Variants in KDELR3 observed in about 807,000 individuals in gnomAD.
KDELR3 encodes the protein ER lumen protein-retaining receptor 3.
In KDELR3, 26 loss-of-function variants were observed where a neutral mutation model predicts 22.7. That is an observed-to-expected ratio of 1.15 (90% CI 0.84 to 1.59). KDELR3 has a LOEUF of 1.59. KDELR3 is among the 40% of genes most tolerant of loss of function. The probability of loss-of-function intolerance (pLI) is 0.00; values close to 1 mark genes in which losing one functional copy is unlikely to be tolerated. For missense variants in KDELR3, 289 were observed against 251.1 expected (o/e 1.15, Z -1.02); for synonymous variants, 120 against 98.2 (o/e 1.22, Z -1.31).
At chr22:38,478,839 C>T (rs1336457431) in intron 2 of KDELR3, among the ~76,000 whole-genome samples, 1 of 151,438 alleles carries the variant, frequency 6.6e-6, no homozygotes, top group Non-Finnish European at 1.5e-5. Flanking sequence ...AACAGGGTTT[C>T]ACCATGTTGG....
rs752581151 is a variant in KDELR3, at chr22:38,482,827, A to G, written c.*291A>G. On this transcript the variant is annotated 3_prime_UTR_variant, in exon 5 of 5. Transcript: ENST00000216014. ...ACCGACGAAATAAAAAACATAAATG[A>G]TTGTTCTCCAAGGCCTGAGGGCAAG... 1.7e-4 allele frequency: 69 copies of G among 405,872 alleles called. No individual in the cohort carries two copies. The highest frequency in any genetic ancestry group is 2.8e-4 in the Non-Finnish European group (63 of 226,664). 25.1% of individuals were successfully genotyped at this position (405,872 alleles called of 1,614,324 possible). A position where few individuals can be genotyped will look rare whatever the true frequency, so the allele number is the denominator to read the frequency against.
In KDELR3 at chr22:38,483,306, T is replaced by A. The variant is rs1395559058; in HGVS notation, c.*770T>A. On this transcript the variant is annotated 3_prime_UTR_variant, in exon 5 of 5. Transcript: ENST00000216014. ...TTTCAATTCCAATTCTTGTATTAAG[T>A]TTTTTCCTTTCAGTTTTAGGTGCGA... is the stretch of plus-strand genomic sequence containing the variant. 1 of 152,146 alleles carries A rather than the reference T, an allele frequency of 6.6e-6. No homozygotes were observed. The highest frequency in any genetic ancestry group is 2.4e-5 in the African/African-American group (1 of 41,422). The allele number at this position is 152,146 out of a possible 1,614,324, so 9.4% of individuals were successfully genotyped here.
intron 2 of KDELR3, among the ~76,000 whole-genome samples, chr22:38,479,356 C>T (rs1482894403): frequency 6.6e-6 from 1 of 152,158 alleles, no homozygotes; most frequent in East Asian, 1.9e-4. Flanking sequence ...GACAAGGGCA[C>T]CTTTGTTCAT....
rs1327271955 is a variant in KDELR3 at position 38,473,655 on chromosome 22, T to G, written c.92-868T>G. Among the ~76,000 whole-genome samples the G allele has an allele frequency of 5.3e-5, 8 of 152,302 alleles. No individual in the cohort carries two copies. The East Asian group carries it at 1.5e-3, about 29-fold the overall frequency. ...ATTTTTGTTTTGCAAAGAGTAAATA[T>G]AGGCATAACTTTTGTAACTAGAAAA... On this transcript the variant is annotated intron_variant, in intron 1 of 4. Transcript: ENST00000216014.
At chr22:38,470,078 C>T (rs922457478) in intron 1 of KDELR3, among the ~76,000 whole-genome samples, 12 of 150,994 alleles carry the variant, frequency 7.9e-5, no homozygotes, top group Admixed American at 4.0e-4. Flanking sequence ...CCTCGGCCTC[C>T]GAAAGTGCTG....
At chr22:38,479,403 T>A (rs1164706353) in intron 2 of KDELR3, among the ~76,000 whole-genome samples, 190 bp from the exon 3 acceptor site, 1 of 152,206 alleles carries the variant, frequency 6.6e-6, no homozygotes, top group East Asian at 1.9e-4. Context: ...AGCATGGAGT[T>A]ATTTAATGAA....
rs1355105199 is a variant in KDELR3 at position 38,479,699 on chromosome 22, T to C, written c.299T>C (p.Val100Ala). The change falls in exon 3 of 5, where the codon GTC becomes GCC. Residue 100 changes from valine (V) to alanine (A), a missense_variant. By Grantham distance (64) the Val-to-Ala change is moderately conservative (BLOSUM62 0). Transcript: ENST00000216014. The part of the protein sequence containing the change: ...NDTFRLEFLL[V>A]PVIGLSFLEN... ...ACATTCCGCCTGGAGTTTCTTCTGG[T>C]CCCAGTCATTGGCCTTTCCTTCCTT... The C allele has an allele frequency of 6.2e-7, 1 of 1,614,172 alleles. No homozygotes were observed. Among genetic ancestry groups the C allele is most frequent in the Non-Finnish European group, 8.5e-7 (1 of 1,180,032 alleles).
intron 1 of KDELR3, among the ~76,000 whole-genome samples, chr22:38,473,519 C>T (rs560732069): frequency 6.6e-6 from 1 of 152,248 alleles, no homozygotes; most frequent in Admixed American, 6.5e-5. Context: ...CATCCATGTG[C>T]ATCATATGTG....
intron 3 of KDELR3, among the ~76,000 whole-genome samples, chr22:38,480,688 G>A (rs1006274438): frequency 2.0e-5 from 3 of 152,042 alleles, no homozygotes; most frequent in Non-Finnish European, 4.4e-5. Flanking sequence ...AGGAGGTGGA[G>A]CTTGCAGTGA....
intron 2 of KDELR3, among the ~76,000 whole-genome samples, chr22:38,475,543 G>C (rs2089552079): frequency 6.6e-6 from 1 of 152,294 alleles, no homozygotes; most frequent in East Asian, 1.9e-4. Context: ...GTGTGGTCAG[G>C]GCATCTTCAA....
chr22:38,472,211 C>T (rs538958132), intron 1 of KDELR3, among the ~76,000 whole-genome samples: 1 of 152,278 alleles, frequency 6.6e-6, no homozygotes, highest in East Asian at 1.9e-4. Flanking sequence ...GGCACAGTGG[C>T]TTACGCCTGT....
At chr22:38,482,270 ATT>A (rs1351076592) in intron 4 of KDELR3, among the ~76,000 whole-genome samples, 31 of 152,206 alleles carry the variant, frequency 2.0e-4, no homozygotes, top group Admixed American at 2.0e-3. Context: ...ACAATAGACA[ATT>A]TGAGGCCAAT....
rs546894316 is a variant in KDELR3 at position 38,476,607 on chromosome 22, C to T, written c.192+1984C>T. On this transcript the variant is annotated intron_variant, in intron 2 of 4. Coordinates refer to ENST00000216014, the MANE Select transcript of KDELR3 (RefSeq NM_006855.4). Reference sequence around the variant, plus strand: ...TGGTGCAATCTCGGCTCACTGCAACCTCTGCCTCCTGGATTCAAGCAATTC... The same window carrying T: ...TGGTGCAATCTCGGCTCACTGCAACTTCTGCCTCCTGGATTCAAGCAATTC... Among the ~76,000 whole-genome samples, 5 of 152,206 alleles carry T rather than the reference C, an allele frequency of 3.3e-5. 1 individual carries two copies. Among genetic ancestry groups the T allele is most frequent in the East Asian group, 1.9e-4 (1 of 5,174 alleles).
Position 38,481,322 on chromosome 22 carries a change from T to C in KDELR3, c.462T>C (p.Phe154=). Residue 154 remains phenylalanine, a synonymous_variant, in exon 4 of 5, where the codon TTT becomes TTC. Coordinates refer to ENST00000216014, the MANE Select transcript of KDELR3 (RefSeq NM_006855.4). The part of the protein sequence containing the change: ...AETITTHYLF[F]LGLYRALYLA... Reference sequence around the variant, plus strand: ...CCATAACTACTCACTACCTGTTCTTTCTGGGTCTGTACCGGGCACTCTACC... The same window carrying C: ...CCATAACTACTCACTACCTGTTCTTCCTGGGTCTGTACCGGGCACTCTACC... The C allele has an allele frequency of 6.2e-7, 1 of 1,614,206 alleles. No individual in the cohort carries two copies. Among genetic ancestry groups the C allele is most frequent in the Non-Finnish European group, 8.5e-7 (1 of 1,180,042 alleles).
At chr22:38,478,614 G>A (rs1490742493) in intron 2 of KDELR3, among the ~76,000 whole-genome samples, 8 of 126,112 alleles carry the variant, frequency 6.3e-5, no homozygotes, top group Admixed American at 3.7e-4. Context: ...GGCAAGGGAA[G>A]AGACAGCATC....
At position 38,472,345 on chromosome 22, in the gene KDELR3, T is replaced by C. The variant is rs533221174; in HGVS notation, c.92-2178T>C. 5.3e-5 allele frequency among the ~76,000 whole-genome samples: 8 copies of C among 151,930 alleles called. No individual in the cohort carries two copies. The East Asian group carries it at 9.8e-4, about 19-fold the overall frequency. On this transcript the variant is annotated intron_variant, in intron 1 of 4. Coordinates refer to ENST00000216014, the MANE Select transcript of KDELR3 (RefSeq NM_006855.4). ...CACAAAAATTAGCCGGGCATGATGG[T>C]GGGCGCCTGTAATCCCAGCCACCCG... is the stretch of plus-strand genomic sequence containing the variant.
Position 38,481,387 on chromosome 22 carries a change from A to C in KDELR3, c.527A>C (p.Tyr176Ser). The change falls in exon 4 of 5, where the codon TAT becomes TCT. Residue 176 changes from tyrosine to serine, a missense_variant. Coordinates refer to ENST00000216014, the MANE Select transcript of KDELR3 (RefSeq NM_006855.4). ...AGGCGGTACCAGACTGAGAATTTCT[A>C]TGACCAAATTGCAGTCGTGTCTGGA... ...WIRRYQTENF[Y>S]DQIAVVSGVV... 1 of 1,614,188 alleles carries C rather than the reference A, an allele frequency of 6.2e-7. No individual in the cohort carries two copies. The highest frequency in any genetic ancestry group is 8.5e-7 in the Non-Finnish European group (1 of 1,180,044).
At chr22:38,468,354 A>G (rs765170145) in intron 1 of KDELR3, 30 bp downstream of exon 1, 3 of 1,600,758 alleles carry the variant, frequency 1.9e-6, no homozygotes, top group South Asian at 1.1e-5. Flanking sequence ...GAGGTGCGGG[A>G]CCCCCTCTCT....
intron 2 of KDELR3, among the ~76,000 whole-genome samples, chr22:38,475,542 G>A (rs1050552794): frequency 2.5e-4 from 38 of 152,206 alleles, no homozygotes; most frequent in Non-Finnish European, 1.3e-4. Context: ...AGTGTGGTCA[G>A]GGCATCTTCA....
Sources: allele counts gnomAD v4.1 joint callset (sites outside exome capture counted in the v4.1 genomes callset), GRCh38; gene constraint gnomAD v4.1.1; transcripts MANE v1.5; gene names NCBI Gene and HGNC (gene_info 2026-07-23, HGNC 2026-07-21).